FRMD4A: variants seen among roughly 807,000 people sequenced by gnomAD.
FRMD4A encodes the protein FERM domain containing 4A.
A neutral mutation model predicts 129.1 loss-of-function variants in FRMD4A; 29 were observed. The observed-to-expected ratio is 0.22, with a 90% CI of 0.17 to 0.31. FRMD4A has a LOEUF of 0.31. Ranked by LOEUF, FRMD4A falls within the 10% of genes least tolerant of loss-of-function variation. The pLI is 1.00. For missense variants in FRMD4A, 1,272 were observed against 1,375.8 expected (o/e 0.92, Z 1.19); for synonymous variants, 634 against 571.6 (o/e 1.11, Z -1.56).
intron 2 of FRMD4A, among the ~76,000 whole-genome samples, chr10:14,286,833 G>C (rs1050619802): frequency 4.6e-5 from 7 of 152,088 alleles, no homozygotes; most frequent in African/African-American, 1.4e-4. Context: ...GGGATGGAGG[G>C]AGACAGAGTC....
intron 2 of FRMD4A, among the ~76,000 whole-genome samples, chr10:14,160,922 A>T (rs928377814): frequency 6.6e-6 from 1 of 152,204 alleles, no homozygotes; most frequent in South Asian, 2.1e-4. Flanking sequence ...AGGAACGTAG[A>T]TTAGTACAGC....
chr10:13,665,880 G>A (rs2082993436), intron 18 of FRMD4A, among the ~76,000 whole-genome samples: 1 of 152,246 alleles, frequency 6.6e-6, no homozygotes, highest in African/African-American at 2.4e-5. Flanking sequence ...GATACCAACA[G>A]TTTGATTCGT....
chr10:14,216,497 C>T (rs892442405), intron 2 of FRMD4A, among the ~76,000 whole-genome samples: 2 of 151,964 alleles, frequency 1.3e-5, no homozygotes, highest in African/African-American at 2.4e-5. Context: ...ATGGTGAAAC[C>T]CCATCTCTAA....
At chr10:13,733,761 C>T (rs2090459088) in intron 12 of FRMD4A, among the ~76,000 whole-genome samples, 1 of 152,174 alleles carries the variant, frequency 6.6e-6, no homozygotes, top group South Asian at 2.1e-4. Context: ...TCAGATTGTA[C>T]ATTCATTTCT....
intron 3 of FRMD4A, among the ~76,000 whole-genome samples, chr10:13,824,321 CAAAAAAAA>C (rs397721588): frequency 1.0e-5 from 1 of 99,046 alleles, no homozygotes; most frequent in South Asian, 4.2e-4. Context: ...ACTAAAAATA[CAAAAAAAA>C]AAAAAAAAAA....
chr10:14,127,080 C>G (rs989322425), intron 2 of FRMD4A, among the ~76,000 whole-genome samples: 6 of 152,166 alleles, frequency 3.9e-5, no homozygotes, highest in African/African-American at 1.4e-4. Context: ...GAAACTGCAG[C>G]AAACCCAGGT....
At chr10:13,882,878 A>G (rs2131129973) in intron 2 of FRMD4A, among the ~76,000 whole-genome samples, 1 of 150,826 alleles carries the variant, frequency 6.6e-6, no homozygotes, top group Non-Finnish European at 1.5e-5. Context: ...ATCACGGCTC[A>G]CTGCAACCTC....
intron 3 of FRMD4A, among the ~76,000 whole-genome samples, chr10:13,832,357 G>A (rs539135741): frequency 5.9e-5 from 9 of 152,194 alleles, no homozygotes; most frequent in African/African-American, 1.4e-4. Context: ...CTCGTGCTTC[G>A]TCCAGAGTGA....
intron 12 of FRMD4A, among the ~76,000 whole-genome samples, chr10:13,731,338 T>C (rs936790220): frequency 6.6e-6 from 1 of 151,970 alleles, no homozygotes; most frequent in Non-Finnish European, 1.5e-5. Flanking sequence ...GACGGGACAT[T>C]TAATGTCCTA....
chr10:13,940,280 T>C (rs917309923), intron 2 of FRMD4A, among the ~76,000 whole-genome samples: 2 of 151,988 alleles, frequency 1.3e-5, no homozygotes, highest in African/African-American at 2.4e-5. Context: ...CCATGGGCAG[T>C]CAACTTCTTC....
At chr10:14,062,801 C>A (rs951246433) in intron 2 of FRMD4A, among the ~76,000 whole-genome samples, 10 of 152,146 alleles carry the variant, frequency 6.6e-5, no homozygotes, top group African/African-American at 1.9e-4. Flanking sequence ...CAGTGGCTCA[C>A]GTGTGTAATT....
At chr10:13,795,420 TAC>T (rs1365033981) in intron 5 of FRMD4A, among the ~76,000 whole-genome samples, 1 of 152,226 alleles carries the variant, frequency 6.6e-6, no homozygotes, top group East Asian at 1.9e-4. Context: ...GGAAAAGTCA[TAC>T]ACTCGAGCCT....
intron 2 of FRMD4A, among the ~76,000 whole-genome samples, chr10:14,299,432 T>A (rs1306323839): frequency 6.6e-6 from 1 of 152,154 alleles, no homozygotes; most frequent in African/African-American, 2.4e-5. Context: ...GAGGGGTACC[T>A]GCTATAGCCT....
chr10:13,673,601 CACACAG>C (rs1287104822), intron 16 of FRMD4A, among the ~76,000 whole-genome samples: 3 of 151,452 alleles, frequency 2.0e-5, no homozygotes, highest in African/African-American at 7.3e-5. Context: ...CACACACACA[CACACAG>C]AGTCATGTGT....
At chr10:14,151,545 A>G (rs76092385) in intron 2 of FRMD4A, among the ~76,000 whole-genome samples, 1,956 of 152,268 alleles carry the variant, frequency 0.013, 40 homozygotes, top group African/African-American at 0.045. Context: ...ACTAGGTGCA[A>G]TGTCTAATAT....
intron 2 of FRMD4A, among the ~76,000 whole-genome samples, chr10:14,068,874 C>G (rs981825515): frequency 6.7e-5 from 10 of 149,706 alleles, no homozygotes; most frequent in Non-Finnish European, 1.5e-4. Flanking sequence ...CTCTTTCTCC[C>G]TCCCTCCCTC....
At chr10:13,787,661 G>A (rs955465699) in intron 5 of FRMD4A, among the ~76,000 whole-genome samples, 1 of 151,766 alleles carries the variant, frequency 6.6e-6, no homozygotes, top group South Asian at 2.1e-4. Context: ...GTCTCACTAT[G>A]TTGCCCAGGC....
chr10:14,045,769 T>C (rs1299737887), intron 2 of FRMD4A, among the ~76,000 whole-genome samples: 1 of 145,714 alleles, frequency 6.9e-6, no homozygotes, highest in Non-Finnish European at 1.5e-5. Context: ...AAGTATAATA[T>C]ATATCTATAA....
At chr10:13,851,400 G>T (rs1027370960) in intron 3 of FRMD4A, among the ~76,000 whole-genome samples, 1 of 152,140 alleles carries the variant, frequency 6.6e-6, no homozygotes. Flanking sequence ...CCATGGACTG[G>T]TACCAGTCTA....
Sources: allele counts gnomAD v4.1 joint callset (sites outside exome capture counted in the v4.1 genomes callset), GRCh38; gene constraint gnomAD v4.1.1; transcripts MANE v1.5; gene names NCBI Gene and HGNC (gene_info 2026-07-23, HGNC 2026-07-21).